TADA2A: variants seen among roughly 807,000 people sequenced by gnomAD.
TADA2A encodes the protein transcriptional adapter 2-alpha.
TADA2A carries 38 observed loss-of-function variants against 67.4 expected under a neutral mutation model. The observed-to-expected ratio is 0.56, with a 90% CI of 0.44 to 0.74. TADA2A has a LOEUF of 0.74. Among genes scored for constraint, TADA2A ranks in the 30% least tolerant of loss-of-function variants. TADA2A has a pLI of 0.00. For missense variants in TADA2A, 454 were observed against 547.0 expected, an observed-to-expected ratio of 0.83 and a Z score of 1.70; for synonymous variants, 192 against 181.6, an observed-to-expected ratio of 1.06 and a Z score of -0.46.
At chr17:37,465,401 TGAC>T in intron 10 of TADA2A, 27 bp from the exon 11 acceptor site, 1 of 1,530,716 alleles carries the variant, frequency 6.5e-7, no homozygotes, top group Middle Eastern at 1.7e-4. Flanking sequence ...ACATTTCCCA[TGAC>T]ACATTTATGT....
At chr17:37,455,249 A>T (rs2053353285) in intron 8 of TADA2A, among the ~76,000 whole-genome samples, 1 of 151,186 alleles carries the variant, frequency 6.6e-6, no homozygotes, top group African/African-American at 2.4e-5. Flanking sequence ...TGCATTACTC[A>T]TATTTTCTTC....
chr17:37,426,826 C>G, intron 3 of TADA2A, 124 bp from the exon 4 acceptor site: 1 of 809,638 alleles, frequency 1.2e-6, no homozygotes, highest in South Asian at 1.8e-5. Flanking sequence ...GCCTGGGTGA[C>G]AGAACGAGAC....
intron 4 of TADA2A, among the ~76,000 whole-genome samples, chr17:37,433,976 A>C (rs1455186018): frequency 2.6e-5 from 4 of 151,506 alleles, no homozygotes; most frequent in African/African-American, 9.7e-5. Context: ...AGTGGGGGGC[A>C]AAAGAAATGA....
chr17:37,464,467 T>C (rs1015375682), intron 10 of TADA2A, among the ~76,000 whole-genome samples: 4 of 152,206 alleles, frequency 2.6e-5, no homozygotes, highest in Non-Finnish European at 4.4e-5. Context: ...TTGGCCATAA[T>C]TCTTCCTAAG....
At chr17:37,438,789 C>G (rs1394804306) in intron 5 of TADA2A, among the ~76,000 whole-genome samples, 2 of 152,134 alleles carry the variant, frequency 1.3e-5, no homozygotes, top group African/African-American at 4.8e-5. Context: ...TCATTTTTTG[C>G]TTACCATTCT....
chr17:37,444,259 C>A (rs1250109591), intron 7 of TADA2A, among the ~76,000 whole-genome samples: 498 of 131,896 alleles, frequency 3.8e-3, no homozygotes, highest in South Asian at 4.2e-3. Flanking sequence ...ACCCTGTTTC[C>A]AAAAAAAAAA....
chr17:37,465,308 G>C (rs2053639933), intron 10 of TADA2A, 123 bp from the exon 11 acceptor site: 1 of 689,754 alleles, frequency 1.4e-6, no homozygotes, highest in Non-Finnish European at 2.5e-6. Context: ...TCATGGATAA[G>C]TTAGTCATAT....
At chr17:37,472,176 C>T (rs916874495) in intron 14 of TADA2A, among the ~76,000 whole-genome samples, 2 of 152,116 alleles carry the variant, frequency 1.3e-5, no homozygotes, top group African/African-American at 4.8e-5. Flanking sequence ...AGCGATTCTC[C>T]TGCCTCAGCC....
chr17:37,449,761 A>G (rs2053182362), intron 8 of TADA2A, among the ~76,000 whole-genome samples: 1 of 151,926 alleles, frequency 6.6e-6, no homozygotes, highest in Non-Finnish European at 1.5e-5. Flanking sequence ...CTGGGACTCC[A>G]GGCGTGCACC....
chr17:37,440,143 C>G (rs1236678709), intron 5 of TADA2A, among the ~76,000 whole-genome samples: 2 of 151,850 alleles, frequency 1.3e-5, no homozygotes, highest in African/African-American at 4.8e-5. Flanking sequence ...GACAGGGTTT[C>G]TCCATGTTGA....
Position 37,477,025 on chromosome 17 carries a change from G to A in TADA2A, c.*43G>A. The stretch of plus-strand genomic sequence containing the variant: ...ATCAGAAGTCAGAAGTTTGGAATGT[G>A]GTGGGTCAAAGGACAATATGGGTGG... On this transcript the variant is annotated 3_prime_UTR_variant, in exon 16 of 16. Coordinates refer to ENST00000615182, the MANE Select transcript of TADA2A (RefSeq NM_001166105.3). The A allele has an allele frequency of 6.4e-7, 1 of 1,572,932 alleles. No individual in the cohort carries two copies. Among genetic ancestry groups the A allele is most frequent in the Non-Finnish European group, 8.7e-7 (1 of 1,155,208 alleles).
rs1002936713 is a variant in TADA2A, at chr17:37,468,090, A to G, written c.895+565A>G. On this transcript the variant is annotated intron_variant, in intron 12 of 15. Transcript: ENST00000615182. Reference sequence around the variant, plus strand: ...GAGGGAGATTCTGTTTCAAAAAAAAAAAAAAGGAATTTTATATTTTAGGTG... The same window carrying G: ...GAGGGAGATTCTGTTTCAAAAAAAAGAAAAAGGAATTTTATATTTTAGGTG... 7.2e-5 allele frequency among the ~76,000 whole-genome samples: 11 copies of G among 152,274 alleles called. No individual in the cohort carries two copies. The South Asian group carries it at 2.3e-3, about 32-fold the overall frequency.
chr17:37,411,818 C>T (rs1222714797), intron 2 of TADA2A, among the ~76,000 whole-genome samples: 1 of 151,860 alleles, frequency 6.6e-6, no homozygotes, highest in Non-Finnish European at 1.5e-5. Context: ...CCCTTTGACT[C>T]TGATTCTAAG....
intron 3 of TADA2A, 137 bp downstream of exon 3, chr17:37,423,752 C>CTTT (rs10706906): frequency 1.5e-5 from 7 of 481,572 alleles, no homozygotes; most frequent in South Asian, 6.7e-5. Context: ...CTTTTTCTTT[C>CTTT]TTTTTTTTTT....
chr17:37,407,187 C>A (rs2051591695), intron 1 of TADA2A: 1 of 151,698 alleles, frequency 6.6e-6, no homozygotes, highest in African/African-American at 2.4e-5. Flanking sequence ...GGGGCCCGCC[C>A]CGCGTCTGGG....
intron 4 of TADA2A, among the ~76,000 whole-genome samples, chr17:37,433,809 C>G (rs2052642207): frequency 6.6e-6 from 1 of 151,994 alleles, no homozygotes; most frequent in South Asian, 2.1e-4. Context: ...AAAAAATTAG[C>G]CAGGTACAGT....
chr17:37,447,528 A>G lies in TADA2A; in HGVS notation c.604+2760A>G, dbSNP rs565957936. Among the ~76,000 whole-genome samples, 4 of 148,374 alleles carry G rather than the reference A, an allele frequency of 2.7e-5. No individual in the cohort carries two copies. The East Asian group carries it at 7.7e-4, about 29-fold the overall frequency. ...GTTGGCTCACACCTGTAATCCTAAC[A>G]CTTTGGGAGGCCAAAGTGGGAGGAT... On this transcript the variant is annotated intron_variant, in intron 8 of 15. Transcript: ENST00000615182.
intron 2 of TADA2A, among the ~76,000 whole-genome samples, chr17:37,420,656 G>A (rs1279546343): frequency 6.8e-6 from 1 of 146,172 alleles, no homozygotes; most frequent in African/African-American, 2.5e-5. Flanking sequence ...GCCTCCCAAA[G>A]TGCTGGGATT....
At chr17:37,429,093 G>T (rs1643930631) in intron 4 of TADA2A, among the ~76,000 whole-genome samples, 1 of 151,348 alleles carries the variant, frequency 6.6e-6, no homozygotes, top group African/African-American at 2.4e-5. Context: ...CAGGGGTCTA[G>T]GGGCCTTTCT....
Sources: allele counts gnomAD v4.1 joint callset (sites outside exome capture counted in the v4.1 genomes callset), GRCh38; gene constraint gnomAD v4.1.1; transcripts MANE v1.5; gene names NCBI Gene and HGNC (gene_info 2026-07-23, HGNC 2026-07-21).